Variants in ARL8B observed in about 807,000 individuals in gnomAD.
The protein encoded by ARL8B is ARF like GTPase 8B, also known as ADP-ribosylation factor-like protein 8B.
ARL8B carries 9 observed loss-of-function variants against 30.6 expected under a neutral mutation model. The observed-to-expected ratio is 0.29, with a 90% CI of 0.18 to 0.51. ARL8B has a LOEUF of 0.51. ARL8B is among the 20% of genes least tolerant of loss of function. The pLI is 0.97. For synonymous variants in ARL8B, 74 were observed against 76.0 expected (o/e 0.97, Z 0.14); for missense variants, 130 against 227.2 (o/e 0.57, Z 2.75).
Position 5,153,350 on chromosome 3 carries a change from A to G in ARL8B, c.124-17153A>G. On this transcript the variant is annotated intron_variant, in intron 1 of 6. Transcript: ENST00000256496. ...TCCCACGCTGTTTTCCTGATAGTGAATTAATCTTATGAGATCTGATGGTTT... is the reference window on the plus strand; with the variant it reads ...TCCCACGCTGTTTTCCTGATAGTGAGTTAATCTTATGAGATCTGATGGTTT... 1.3e-5 allele frequency among the ~76,000 whole-genome samples: 2 copies of G among 152,174 alleles called. 1 individual carries two copies. The highest frequency in any genetic ancestry group is 1.3e-4 in the Admixed American group (2 of 15,274).
At chr3:5,128,955 A>G (rs1333496368) in intron 1 of ARL8B, among the ~76,000 whole-genome samples, 4 of 152,068 alleles carry the variant, frequency 2.6e-5, no homozygotes, top group Non-Finnish European at 5.9e-5. Flanking sequence ...CCATTGTGGT[A>G]TGTCTTGTGG....
At chr3:5,159,158 G>A (rs341991) in intron 1 of ARL8B, among the ~76,000 whole-genome samples, 150,104 of 152,030 alleles carry the variant, frequency 0.99, 74,127 homozygotes, top group East Asian at 1. Flanking sequence ...AAGTGAGCCA[G>A]ACGTGGTAGT....
chr3:5,170,816 C>G (rs1324484586), intron 2 of ARL8B: 2 of 343,906 alleles, frequency 5.8e-6, no homozygotes, highest in Admixed American at 9.7e-5. Context: ...ACTGCAACCT[C>G]TACCTCCCGG....
At chr3:5,170,622 C>T in intron 2 of ARL8B, 39 bp downstream of exon 2, 1 of 1,459,334 alleles carries the variant, frequency 6.9e-7, no homozygotes, top group Non-Finnish European at 9.4e-7. Flanking sequence ...AAATTGTTAG[C>T]ACAGACCCCT....
intron 1 of ARL8B, among the ~76,000 whole-genome samples, chr3:5,128,941 T>G (rs1218498604): frequency 6.6e-6 from 1 of 152,248 alleles, no homozygotes; most frequent in Non-Finnish European, 1.5e-5. Flanking sequence ...CTTCATAGTT[T>G]ATTCCATTGT....
chr3:5,132,318 G>A (rs1409695743), intron 1 of ARL8B, among the ~76,000 whole-genome samples: 1 of 151,838 alleles, frequency 6.6e-6, no homozygotes, highest in African/African-American at 2.4e-5. Flanking sequence ...GCAGTGGCGC[G>A]ATCTCGGCTC....
intron 1 of ARL8B, among the ~76,000 whole-genome samples, chr3:5,141,977 C>G (rs547142346): frequency 6.6e-6 from 1 of 152,126 alleles, no homozygotes; most frequent in African/African-American, 2.4e-5. Context: ...TAAATTTATT[C>G]GGCACTCCCC....
chr3:5,147,986 G>A (rs927005398), intron 1 of ARL8B, among the ~76,000 whole-genome samples: 1 of 151,302 alleles, frequency 6.6e-6, no homozygotes, highest in Non-Finnish European at 1.5e-5. Flanking sequence ...CTTGGTCCCT[G>A]GGATTATTAT....
At chr3:5,133,931 T>G (rs2054304530) in intron 1 of ARL8B, among the ~76,000 whole-genome samples, 1 of 151,834 alleles carries the variant, frequency 6.6e-6, no homozygotes, top group Non-Finnish European at 1.5e-5. Context: ...TGAGACCAGG[T>G]CTCCCCTGCA....
At chr3:5,178,237 GT>G (rs879940677) in intron 6 of ARL8B, among the ~76,000 whole-genome samples, 2,299 of 142,696 alleles carry the variant, frequency 0.016, 59 homozygotes, top group African/African-American at 0.052. Flanking sequence ...TTCTTTTGCT[GT>G]TTTTTTTTTT....
At chr3:5,159,556 C>T (rs550070273) in intron 1 of ARL8B, among the ~76,000 whole-genome samples, 71 of 135,566 alleles carry the variant, frequency 5.2e-4, no homozygotes, top group South Asian at 1.4e-3. Flanking sequence ...GAGCTGAGAT[C>T]GCGCCATTGC....
intron 1 of ARL8B, among the ~76,000 whole-genome samples, chr3:5,153,143 G>A (rs185804056): frequency 3.7e-4 from 56 of 152,252 alleles, no homozygotes; most frequent in Admixed American, 5.9e-4. Context: ...AATGTAGAAT[G>A]TAGAAACCTT....
At chr3:5,165,727 A>G (rs765731916) in intron 1 of ARL8B, among the ~76,000 whole-genome samples, 64 of 152,284 alleles carry the variant, frequency 4.2e-4, no homozygotes, top group Non-Finnish European at 8.1e-4. Flanking sequence ...TTTCAAGTTT[A>G]TTGTATTGTA....
intron 1 of ARL8B, among the ~76,000 whole-genome samples, chr3:5,147,440 A>G (rs916970210): frequency 2.0e-5 from 3 of 151,930 alleles, no homozygotes; most frequent in African/African-American, 7.3e-5. Context: ...AGTCTTTGCT[A>G]TTGGGGTCTT....
At chr3:5,178,263 G>T (rs1372926659) in intron 6 of ARL8B, among the ~76,000 whole-genome samples, 1 of 150,438 alleles carries the variant, frequency 6.6e-6, no homozygotes, top group African/African-American at 2.5e-5. Flanking sequence ...CTGGAGTTCT[G>T]TGGGGTGGCC....
intron 3 of ARL8B, 53 bp from the exon 4 acceptor site, chr3:5,172,594 T>A (rs2054686117): frequency 8.7e-7 from 1 of 1,153,916 alleles, no homozygotes; most frequent in South Asian, 1.4e-5. Context: ...ATACTAGTTG[T>A]CATCATCAAG....
intron 1 of ARL8B, among the ~76,000 whole-genome samples, chr3:5,141,320 A>G (rs2054371584): frequency 1.3e-5 from 2 of 152,072 alleles, no homozygotes; most frequent in South Asian, 2.1e-4. Flanking sequence ...CTTTGGTCTC[A>G]TTTTCATCTA....
chr3:5,154,406 C>T (rs553477649), intron 1 of ARL8B, among the ~76,000 whole-genome samples: 1 of 151,248 alleles, frequency 6.6e-6, no homozygotes, highest in East Asian at 1.9e-4. Flanking sequence ...ACGATCTTGG[C>T]TCAGTGCAAC....
In ARL8B at chr3:5,122,458, C is replaced by T. The variant is rs2054190380; in HGVS notation, c.-8C>T. On this transcript the variant is annotated 5_prime_UTR_variant, in exon 1 of 7. Transcript: ENST00000256496. ...TCCTCCCGTCCGTTCTCGCTCCCGGCCGCCATCATGCTGGCGCTCATCTCC... is the reference window on the plus strand; with the variant it reads ...TCCTCCCGTCCGTTCTCGCTCCCGGTCGCCATCATGCTGGCGCTCATCTCC... 3 of 1,612,720 alleles carry T rather than the reference C, an allele frequency of 1.9e-6. No individual in the cohort carries two copies. Among genetic ancestry groups the T allele is most frequent in the Non-Finnish European group, 2.5e-6 (3 of 1,179,624 alleles).
Sources: allele counts gnomAD v4.1 joint callset (sites outside exome capture counted in the v4.1 genomes callset), GRCh38; gene constraint gnomAD v4.1.1; transcripts MANE v1.5; gene names NCBI Gene and HGNC (gene_info 2026-07-23, HGNC 2026-07-21).